The following IPO11 variants were observed in gnomAD, a reference collection of about 807,000 sequenced individuals.
IPO11 encodes importin-11.
A neutral mutation model predicts 143.2 loss-of-function variants in IPO11; 66 were observed. The observed-to-expected ratio is 0.46, with a 90% CI of 0.38 to 0.57. The LOEUF (loss-of-function observed/expected upper bound fraction) is 0.57, where lower values mean the gene tolerates loss of function less well. Among genes scored for constraint, IPO11 ranks in the 20% least tolerant of loss-of-function variants. IPO11 has a pLI of 0.00. For synonymous variants in IPO11, 385 were observed against 377.8 expected (o/e 1.02, Z -0.22); for missense variants, 1,026 against 1,141.0 (o/e 0.90, Z 1.45).
intron 5 of IPO11, among the ~76,000 whole-genome samples, chr5:62,464,155 T>G (rs1296076014): frequency 1.4e-5 from 2 of 142,342 alleles, no homozygotes; most frequent in Non-Finnish European, 3.1e-5. Context: ...TTTTTTTTTT[T>G]TTTTTTTTTT....
Position 62,491,688 on chromosome 5 carries a change from T to C in IPO11, c.1463+1468T>C, listed in dbSNP as rs1278328150. ...TAAGTTTTTTTTTTTTTTTTTGAGA[T>C]GGAGTCTTGCTCTGTTGCCCAGGCT... On this transcript the variant is annotated intron_variant, in intron 15 of 29. Transcript: ENST00000325324. Among the ~76,000 whole-genome samples the C allele has an allele frequency of 2.7e-4, 41 of 149,294 alleles. 1 individual carries two copies. Among genetic ancestry groups the C allele is most frequent in the Non-Finnish European group, 8.9e-5 (6 of 67,358 alleles).
At chr5:62,472,457 A>C (rs143439657) in intron 7 of IPO11, among the ~76,000 whole-genome samples, 29 of 152,242 alleles carry the variant, frequency 1.9e-4, no homozygotes, top group African/African-American at 7.0e-4. Context: ...TATTGTAGCA[A>C]TTAAGTACAT....
At chr5:62,475,921 G>C (rs1182672877) in intron 8 of IPO11, among the ~76,000 whole-genome samples, 2 of 152,208 alleles carry the variant, frequency 1.3e-5, no homozygotes, top group Admixed American at 1.3e-4. Flanking sequence ...GTGTGTGTTT[G>C]TGTGTTTGGG....
At chr5:62,453,296 ACCT>A (rs1364845029) in intron 5 of IPO11, among the ~76,000 whole-genome samples, 2 of 150,772 alleles carry the variant, frequency 1.3e-5, no homozygotes, top group Admixed American at 6.6e-5. Context: ...CTTTTCCTAG[ACCT>A]CCTTCTGACT....
At chr5:62,436,004 AGAGT>A (rs1202418889) in intron 1 of IPO11, among the ~76,000 whole-genome samples, 12 of 152,222 alleles carry the variant, frequency 7.9e-5, no homozygotes, top group African/African-American at 2.9e-4. Context: ...CCTGGGTGAC[AGAGT>A]GAGACTCTGT....
At chr5:62,559,071 C>T (rs753990055) in intron 26 of IPO11, among the ~76,000 whole-genome samples, 21 of 152,154 alleles carry the variant, frequency 1.4e-4, no homozygotes, top group Non-Finnish European at 1.6e-4. Context: ...TCTCAGCCTT[C>T]AGTGAATAAT....
chr5:62,615,187 T>C (rs562382991), intron 29 of IPO11, among the ~76,000 whole-genome samples: 1 of 152,194 alleles, frequency 6.6e-6, no homozygotes, highest in East Asian at 1.9e-4. Flanking sequence ...GCCTCGAGTT[T>C]CCAGGCTTGA....
At chr5:62,519,953 A>G (rs140580668) in intron 20 of IPO11, among the ~76,000 whole-genome samples, 1 of 152,324 alleles carries the variant, frequency 6.6e-6, no homozygotes, top group East Asian at 1.9e-4. Flanking sequence ...GTCCAGCCAC[A>G]TTCTTTGACA....
At chr5:62,538,282 G>C (rs370583541) in intron 24 of IPO11, among the ~76,000 whole-genome samples, 11 of 152,266 alleles carry the variant, frequency 7.2e-5, no homozygotes, top group East Asian at 3.9e-4. Context: ...GTGTACTTTA[G>C]GATCTAAGTG....
At chr5:62,577,311 A>G (rs1744351420) in intron 27 of IPO11, among the ~76,000 whole-genome samples, 1 of 152,136 alleles carries the variant, frequency 6.6e-6, no homozygotes, top group Admixed American at 6.5e-5. Flanking sequence ...ATTTTTCCTT[A>G]ATACAGTTTC....
intron 2 of IPO11, 122 bp downstream of exon 2, chr5:62,437,539 C>A: frequency 1.4e-6 from 1 of 704,184 alleles, no homozygotes; most frequent in African/African-American, 1.8e-5. Context: ...GCTGCTGATG[C>A]CTTTGCCATT....
chr5:62,446,739 C>T (rs183395619), intron 3 of IPO11, among the ~76,000 whole-genome samples: 4 of 152,104 alleles, frequency 2.6e-5, no homozygotes, highest in Non-Finnish European at 5.9e-5. Context: ...GAGGCCGAGG[C>T]GGGCAGGTCG....
intron 2 of IPO11, among the ~76,000 whole-genome samples, chr5:62,437,740 A>G (rs1744293723): frequency 6.6e-6 from 1 of 152,166 alleles, no homozygotes; most frequent in East Asian, 1.9e-4. Context: ...TCCCTACCCC[A>G]GGTAATTTAT....
intron 20 of IPO11, among the ~76,000 whole-genome samples, chr5:62,516,062 G>A (rs1013384064): frequency 6.6e-6 from 1 of 152,176 alleles, no homozygotes; most frequent in Non-Finnish European, 1.5e-5. Flanking sequence ...TATGGTTAGG[G>A]AAGAGCTCAA....
chr5:62,419,852 G>GGCAT (rs1361658327), intron 1 of IPO11, among the ~76,000 whole-genome samples: 2 of 152,020 alleles, frequency 1.3e-5, no homozygotes, highest in African/African-American at 2.4e-5. Context: ...AAATTAGCAT[G>GGCAT]GCATGATGGC....
At chr5:62,513,944 A>T (rs1163204539) in intron 19 of IPO11, among the ~76,000 whole-genome samples, 1 of 118,472 alleles carries the variant, frequency 8.4e-6, no homozygotes, top group Non-Finnish European at 1.8e-5. Flanking sequence ...CGCTCCTCAC[A>T]TCCCAGACGG....
chr5:62,457,596 G>T (rs1285131705), intron 5 of IPO11, among the ~76,000 whole-genome samples: 29 of 152,164 alleles, frequency 1.9e-4, no homozygotes, highest in Non-Finnish European at 3.4e-4. Flanking sequence ...TCATCGTGAT[G>T]AATTACTATA....
intron 22 of IPO11, among the ~76,000 whole-genome samples, chr5:62,531,058 A>G (rs926070000): frequency 3.9e-5 from 6 of 152,040 alleles, no homozygotes; most frequent in African/African-American, 1.4e-4. Context: ...TGCAGTGTCT[A>G]TTTTTGCCAT....
intron 7 of IPO11, among the ~76,000 whole-genome samples, chr5:62,472,651 T>C (rs901002232): frequency 2.0e-5 from 3 of 151,766 alleles, no homozygotes; most frequent in African/African-American, 7.3e-5. Flanking sequence ...CCTCAGCCTC[T>C]TGAGTAGCTG....
Sources: gnomAD v4.1 joint callset for allele counts (sites outside exome capture counted in the v4.1 genomes callset) on GRCh38, gnomAD v4.1.1 for gene constraint, MANE v1.5 for transcripts, NCBI Gene and HGNC (gene_info 2026-07-23, HGNC 2026-07-21) for gene names.